CTR9: variants seen among roughly 807,000 people sequenced by gnomAD.
CTR9 encodes CTR9 component of Paf1/RNA polymerase II complex, also known as RNA polymerase-associated protein CTR9 homolog.
Under a neutral mutation model 152.1 loss-of-function variants are expected in CTR9, and 41 were observed. The ratio of observed to expected loss-of-function variants is 0.27; its 90% confidence interval spans 0.21 to 0.35. The LOEUF is 0.35. Among genes scored for constraint, CTR9 ranks in the 10% least tolerant of loss-of-function variants. The pLI, the probability that CTR9 is intolerant of heterozygous loss-of-function variation, is 1.00. For missense variants in CTR9, 917 were observed against 1,424.4 expected (o/e 0.64, Z 5.73); for synonymous variants, 476 against 496.2 (o/e 0.96, Z 0.54).
intron 2 of CTR9, 45 bp from the exon 3 acceptor site, chr11:10,754,913 T>C: frequency 3.2e-6 from 5 of 1,558,748 alleles, no homozygotes; most frequent in East Asian, 2.3e-5. Flanking sequence ...ACTTTTTATA[T>C]GGACATATGC....
In CTR9 at chr11:10,767,768, A is replaced by C; in HGVS notation, c.1687-38A>C. ...AAGATGATTGATCTCTGTCAAACTA[A>C]ACTGCAGATTTTCCTTCTTCATGTA... On this transcript the variant is annotated intron_variant, in intron 13 of 24. Transcript: ENST00000361367. This position sits in a 1 kb window ranked among gnomAD's most constrained non-coding sequence, Gnocchi z 4.0. The C allele has an allele frequency of 6.3e-7, 1 of 1,588,018 alleles. No individual in the cohort carries two copies. The highest frequency in any genetic ancestry group is 8.6e-7 in the Non-Finnish European group (1 of 1,157,416).
At chr11:10,765,849 C>T (rs1339301420) in intron 12 of CTR9, among the ~76,000 whole-genome samples, 6 of 152,146 alleles carry the variant, frequency 3.9e-5, no homozygotes, top group African/African-American at 4.8e-5. Flanking sequence ...GAATGCCAGA[C>T]TGAATTTGAA....
Position 10,772,571 on chromosome 11 carries a change from C to T in CTR9, c.2496C>T (p.Arg832=). 6.2e-7 allele frequency: 1 copy of T among 1,611,560 alleles called. No individual in the cohort carries two copies. Among genetic ancestry groups the T allele is most frequent in the Non-Finnish European group, 8.5e-7 (1 of 1,178,868 alleles). Residue 832 remains arginine (R), a synonymous_variant, in exon 20 of 25, where the codon CGC becomes CGT. Coordinates refer to ENST00000361367, the MANE Select transcript of CTR9 (RefSeq NM_014633.5). ...SQAQYHVARA[R]KQDEEERELR... ...CCCAGTACCATGTGGCCCGGGCACG[C>T]AAACAAGATGAAGAAGAGCGGGAGC...
At chr11:10,751,478 C>T (rs768708388) in intron 1 of CTR9, 21 bp downstream of exon 1, 2 of 1,611,624 alleles carry the variant, frequency 1.2e-6, no homozygotes, top group Admixed American at 3.3e-5. Context: ...TGTATGGAGG[C>T]GGGTGGGGGC....
In CTR9 at chr11:10,751,507, C is replaced by A. The variant is rs193112971; in HGVS notation, c.45+50C>A. ...TGGGGGCCATGAACTTGTACGATCGCCCCCACCGACTTCGCTCGACTTCGT... is the reference window on the plus strand; with the variant it reads ...TGGGGGCCATGAACTTGTACGATCGACCCCACCGACTTCGCTCGACTTCGT... On this transcript the variant is annotated intron_variant, in intron 1 of 24. Coordinates refer to ENST00000361367, the MANE Select transcript of CTR9 (RefSeq NM_014633.5). The A allele has an allele frequency of 2.6e-5, 41 of 1,563,936 alleles. No homozygotes were observed. The African/African-American group carries it at 4.5e-4, about 17-fold the overall frequency.
intron 4 of CTR9, 48 bp from the exon 5 acceptor site, chr11:10,756,701 T>G: frequency 7.5e-7 from 1 of 1,331,200 alleles, no homozygotes; most frequent in Non-Finnish European, 1.1e-6. Context: ...CATAATAGAC[T>G]TGTAGCCTTT....
rs1217775662 is a variant in CTR9, at chr11:10,766,457, A to C, written c.1653A>C (p.Ser551=). 2 of 1,610,908 alleles carry C rather than the reference A, an allele frequency of 1.2e-6. No homozygotes were observed. Among genetic ancestry groups the C allele is most frequent in the Non-Finnish European group, 1.7e-6 (2 of 1,179,282 alleles). The change falls in exon 13 of 25, where the codon TCA becomes TCC. Residue 551 remains serine, a synonymous_variant. Coordinates refer to ENST00000361367, the MANE Select transcript of CTR9 (RefSeq NM_014633.5). ...ARDKGNFYEA[S]DWFKEALQIN... is the part of the protein sequence containing the mutation. Reference sequence around the variant, plus strand: ...ATAAGGGAAACTTTTATGAGGCTTCAGATTGGTTTAAGGAAGCTCTTCAGA... The same window carrying C: ...ATAAGGGAAACTTTTATGAGGCTTCCGATTGGTTTAAGGAAGCTCTTCAGA...
At chr11:10,752,835 A>G in intron 2 of CTR9, 65 bp downstream of exon 2, 2 of 1,294,168 alleles carry the variant, frequency 1.5e-6, no homozygotes, top group South Asian at 1.2e-5. Flanking sequence ...TTCTGTTTTC[A>G]GATATAGTAA....
At chr11:10,770,081 T>C in intron 16 of CTR9, 129 bp from the exon 17 acceptor site, 1 of 570,454 alleles carries the variant, frequency 1.8e-6, no homozygotes, top group Non-Finnish European at 3.1e-6. Flanking sequence ...AATTATTCTC[T>C]GAAATTAACC....
chr11:10,773,148 A>G lies in CTR9; in HGVS notation c.2602A>G (p.Lys868Glu). ...KEQEEKRLREKEEQKKLLEQR... is the reference protein window; with the variant it reads ...KEQEEKRLREEEEQKKLLEQR... ...ATAGGAAGAGAAACGTCTCAGAGAA[A>G]AGGAAGAGCAAAAGAAACTTTTGGA... The change falls in exon 21 of 25, where the codon AAG becomes GAG. Residue 868 changes from lysine to glutamate, a missense_variant. Lys to Glu is a moderately conservative substitution (Grantham distance 56). Transcript: ENST00000361367. The G allele has an allele frequency of 6.2e-7, 1 of 1,603,940 alleles. No individual in the cohort carries two copies. The highest frequency in any genetic ancestry group is 2.2e-5 in the East Asian group (1 of 44,852).
In CTR9 at chr11:10,756,842, A is replaced by G. The variant is rs1862892232; in HGVS notation, c.592+4A>G. On this transcript the variant is annotated splice_donor_region_variant and intron_variant, in intron 5 of 24. Coordinates refer to ENST00000361367, the MANE Select transcript of CTR9 (RefSeq NM_014633.5). ...CGTACTAACCCAGGATGTCCAGGTA[A>G]GAGAAAAATTTTATTTTATGTCTAA... The G allele has an allele frequency of 6.2e-7, 1 of 1,603,652 alleles. No homozygotes were observed. Among genetic ancestry groups the G allele is most frequent in the Non-Finnish European group, 8.5e-7 (1 of 1,171,632 alleles).
At position 10,773,111 on chromosome 11, in the gene CTR9, C is replaced by T; in HGVS notation, c.2581-16C>T. ...AATTTGCAGTGGGGTTTCTTTTCTA[C>T]CATTTTTCCTCATAGGAAGAGAAAC... is the stretch of plus-strand genomic sequence containing the variant. On this transcript the variant is annotated splice_polypyrimidine_tract_variant and intron_variant, in intron 20 of 24. Transcript: ENST00000361367. 6.3e-7 allele frequency: 1 copy of T among 1,585,182 alleles called. No homozygotes were observed. The highest frequency in any genetic ancestry group is 8.5e-7 in the Non-Finnish European group (1 of 1,172,964).
chr11:10,777,570 T>C (rs1272685814), intron 24 of CTR9, among the ~76,000 whole-genome samples: 3 of 152,178 alleles, frequency 2.0e-5, no homozygotes, highest in African/African-American at 4.8e-5. Flanking sequence ...TTTCAAAGAC[T>C]GAGCACTATT....
Position 10,756,954 on chromosome 11 carries a change from A to G in CTR9, c.592+116A>G, listed in dbSNP as rs75182402. Reference sequence around the variant, plus strand: ...GATATTGTTGGATTATAGAAATGTCAGAATCAAGTTTTTTTTTTGATGCTA... The same window carrying G: ...GATATTGTTGGATTATAGAAATGTCGGAATCAAGTTTTTTTTTTGATGCTA... On this transcript the variant is annotated intron_variant, in intron 5 of 24. Transcript: ENST00000361367. 37,112 of 802,266 alleles carry G rather than the reference A, an allele frequency of 0.046. 2,375 individuals are homozygous for G. Among genetic ancestry groups the G allele is most frequent in the East Asian group, 0.22 (8,671 of 38,652 alleles). 49.7% of individuals were successfully genotyped at this position (802,266 alleles called of 1,614,324 possible). A position where few individuals can be genotyped will look rare whatever the true frequency, so the allele number is the denominator to read the frequency against.
intron 16 of CTR9, among the ~76,000 whole-genome samples, chr11:10,769,244 A>G (rs540724919): frequency 6.6e-6 from 1 of 152,158 alleles, no homozygotes; most frequent in African/African-American, 2.4e-5. Flanking sequence ...AAAAAAGAAA[A>G]CAAAACAGCG....
intron 11 of CTR9, 25 bp from the exon 12 acceptor site, chr11:10,764,523 A>G (rs1863029011): frequency 1.2e-6 from 2 of 1,604,496 alleles, no homozygotes; most frequent in African/African-American, 2.7e-5. Flanking sequence ...AAATCTTTTA[A>G]CAGTGTGATT....
chr11:10,773,208 A>T lies in CTR9; in HGVS notation c.2662A>T (p.Ile888Phe). The part of the protein sequence containing the change: ...RAQYVEKTKN[I>F]LMFTGETEAT... ...CCAGTATGTGGAGAAGACCAAAAAT[A>T]TTCTTATGTTTACTGGTGAGACTGA... Residue 888 changes from isoleucine to phenylalanine, a missense_variant, in exon 21 of 25, where the codon ATT becomes TTT. By Grantham distance (21) the Ile-to-Phe change is conservative. Coordinates refer to ENST00000361367, the MANE Select transcript of CTR9 (RefSeq NM_014633.5). 1 of 1,613,276 alleles carries T rather than the reference A, an allele frequency of 6.2e-7. No individual in the cohort carries two copies. The highest frequency in any genetic ancestry group is 8.5e-7 in the Non-Finnish European group (1 of 1,179,820).
At chr11:10,774,903 TCTGGAGC>T (rs1863206366) in intron 22 of CTR9, among the ~76,000 whole-genome samples, 1 of 145,030 alleles carries the variant, frequency 6.9e-6, no homozygotes, top group African/African-American at 2.9e-5. Context: ...GACGTTGAAG[TCTGGAGC>T]CTGGGTCTTT....
rs141434094 is a variant in CTR9 at position 10,778,867 on chromosome 11, G to A, written c.3284G>A (p.Arg1095Lys). ...SDSDQPSRKR[R>K]PSGSEQSDNE... ...AGTGACCAGCCATCCAGAAAGAGAA[G>A]GCCCTCCGGTTCTGAGCAGTCTGAC... The change falls in exon 25 of 25, where the codon AGG becomes AAG. Residue 1095 changes from arginine (R) to lysine (K), a missense_variant. Arg to Lys is a conservative substitution (Grantham distance 26). Around this residue, in one of 9 missense-constraint regions of CTR9, gnomAD observed 384 missense variants for 398.4 expected, o/e 0.96. Transcript: ENST00000361367. The A allele has an allele frequency of 2.0e-4, 321 of 1,614,232 alleles. No homozygotes were observed. Among genetic ancestry groups the A allele is most frequent in the Admixed American group, 3.5e-4 (21 of 60,022 alleles).
Sources: allele counts gnomAD v4.1 joint callset (sites outside exome capture counted in the v4.1 genomes callset), GRCh38; gene constraint gnomAD v4.1.1; regional missense constraint gnomAD v4.1.1; non-coding constraint Gnocchi (gnomAD v3.1); transcripts MANE v1.5; gene names NCBI Gene and HGNC (gene_info 2026-07-23, HGNC 2026-07-21).